USH1C: variants seen among roughly 807,000 people sequenced by gnomAD.
USH1C encodes USH1 protein network component harmonin.
In USH1C, 90 loss-of-function variants were observed where a neutral mutation model predicts 119.3. The ratio of observed to expected loss-of-function variants is 0.75; its 90% CI spans 0.64 to 0.90. USH1C has a LOEUF of 0.90. USH1C is among the 40% of genes least tolerant of loss of function. The pLI, the probability that USH1C is intolerant of heterozygous loss-of-function variation, is 0.00. For missense variants in USH1C, 1,165 were observed against 1,167.7 expected (o/e 1.00, Z 0.03); for synonymous variants, 465 against 443.3 (o/e 1.05, Z -0.62).
chr11:17,512,142 C>T, intron 15 of USH1C, 88 bp from the exon 16 acceptor site: 1 of 1,446,798 alleles, frequency 6.9e-7, no homozygotes, highest in Non-Finnish European at 9.7e-7. Flanking sequence ...TCACATAACA[C>T]AACCATCCCA....
chr11:17,542,679 G>A (rs973150165), intron 1 of USH1C, among the ~76,000 whole-genome samples: 2 of 152,226 alleles, frequency 1.3e-5, no homozygotes, highest in Non-Finnish European at 2.9e-5. Flanking sequence ...CAGAAGACCT[G>A]ATGTTATTTC....
chr11:17,505,232 T>A (rs1025812851), intron 19 of USH1C, among the ~76,000 whole-genome samples: 2 of 152,218 alleles, frequency 1.3e-5, no homozygotes, highest in Non-Finnish European at 2.9e-5. Flanking sequence ...AGAAGTAAGT[T>A]GGAGAAAGGG....
chr11:17,521,078 TGG>T, intron 13 of USH1C, 84 bp from the exon 14 acceptor site: 1 of 1,574,682 alleles, frequency 6.4e-7, no homozygotes. Flanking sequence ...CCAGCCAGCC[TGG>T]GGAGAAGCCT....
chr11:17,526,300 TG>T, intron 8 of USH1C, 46 bp downstream of exon 8: 1 of 1,521,946 alleles, frequency 6.6e-7, no homozygotes, highest in Non-Finnish European at 9.1e-7. Context: ...AGGGGCCTGC[TG>T]GGGTGCACTG....
chr11:17,526,233 C>G, intron 8 of USH1C, 114 bp downstream of exon 8: 1 of 867,312 alleles, frequency 1.2e-6, no homozygotes, highest in African/African-American at 1.7e-5. Flanking sequence ...CATGGACAGT[C>G]ACACCCCTGG....
intron 24 of USH1C, 100 bp from the exon 25 acceptor site, chr11:17,496,913 G>C (rs914754356): frequency 1.4e-6 from 2 of 1,431,768 alleles, no homozygotes; most frequent in African/African-American, 1.4e-5. Flanking sequence ...CCTAGGATCA[G>C]CCAGGCTGCA....
In USH1C at chr11:17,509,768, C is replaced by G. The variant is rs1190652568; in HGVS notation, c.1601G>C (p.Gly534Ala). ...GTCAGTGGTGTGCAGGTGCAGTCCG[C>G]CTGCGAAGCGTCTCAAGGGTGGGGC... ...PLAPPLRRFA[G>A]GLHLHTTDLD... Residue 534 changes from glycine (G) to alanine (A), a missense_variant, in exon 18 of 27, where the codon GGC becomes GCC. Physicochemically the swap from Gly to Ala is moderately conservative, Grantham distance 60. Transcript: ENST00000005226. The G allele has an allele frequency of 1.2e-6, 2 of 1,601,072 alleles. No homozygotes were observed. Among genetic ancestry groups the G allele is most frequent in the Non-Finnish European group, 8.5e-7 (1 of 1,179,494 alleles).
At chr11:17,539,577 A>G (rs894003504) in intron 1 of USH1C, among the ~76,000 whole-genome samples, 5 of 152,232 alleles carry the variant, frequency 3.3e-5, no homozygotes, top group Non-Finnish European at 5.9e-5. Context: ...ATAAGTGGAC[A>G]TAAATTCTAT....
chr11:17,501,505 C>T lies in USH1C; in HGVS notation c.2257G>A (p.Val753Ile), dbSNP rs1365223252. 1.9e-6 allele frequency: 3 copies of T among 1,613,142 alleles called. No individual in the cohort carries two copies. The highest frequency in any genetic ancestry group is 1.7e-6 in the Non-Finnish European group (2 of 1,179,628). Residue 753 changes from valine to isoleucine, a missense_variant, in exon 22 of 27, where the codon GTC becomes ATC. By Grantham distance (29) the Val-to-Ile change is conservative (BLOSUM62 3). Transcript: ENST00000005226. ...ACCTTCTTGATGCGTAGGAGCCGGA[C>T]ATCCTTCCCCATGATCTGCTCTGGG... ...FTPEQIMGKD[V>I]RLLRIKKEGS...
rs1326565505 is a variant in USH1C at position 17,531,958 on chromosome 11, G to C, written c.105-416C>G. On this transcript the variant is annotated intron_variant, in intron 2 of 26. Transcript: ENST00000005226. The surrounding 1 kb of genome is among the most constrained non-coding windows in gnomAD (Gnocchi z 4.2). ...GTTCACATGCCTCCTCCCTCATGCT[G>C]TTCAGACCTTCGACTGCAGCTGCCT... Among the ~76,000 whole-genome samples, 1 of 152,152 alleles carries C rather than the reference G, an allele frequency of 6.6e-6. No individual in the cohort carries two copies. The highest frequency in any genetic ancestry group is 1.5e-5 in the Non-Finnish European group (1 of 68,026).
In USH1C at chr11:17,493,941, T is replaced by G; in HGVS notation, c.*391A>C. 1 of 313,388 alleles carries G rather than the reference T, an allele frequency of 3.2e-6. No individual in the cohort carries two copies. Among genetic ancestry groups the G allele is most frequent in the Non-Finnish European group, 6.2e-6 (1 of 161,396 alleles). 19.4% of individuals were successfully genotyped at this position (313,388 alleles called of 1,614,324 possible). A position where few individuals can be genotyped will look rare whatever the true frequency, so the allele number is the denominator to read the frequency against. On this transcript the variant is annotated 3_prime_UTR_variant, in exon 27 of 27. Coordinates refer to ENST00000005226, the MANE Select transcript of USH1C (RefSeq NM_153676.4). ...TTTATTAATGAGCTCAGAGTAAGGT[T>G]TGGAGTGACAATCCTGGCAGCAATT...
At position 17,501,941 on chromosome 11, in the gene USH1C, T is replaced by C; in HGVS notation, c.2224A>G (p.Met742Val). 1 of 1,613,422 alleles carries C rather than the reference T, an allele frequency of 6.2e-7. No homozygotes were observed. Among genetic ancestry groups the C allele is most frequent in the Non-Finnish European group, 8.5e-7 (1 of 1,179,762 alleles). Residue 742 changes from methionine (M) to valine (V), a missense_variant and splice_region_variant, in exon 21 of 27, where the codon ATG becomes GTG. Transcript: ENST00000005226. Reference sequence around the variant, plus strand: ...AGGAGAGAAGCGTCATCTCTTACCATAGAGTAGGGGTCAAAGCCTTCCTCA... The same window carrying C: ...AGGAGAGAAGCGTCATCTCTTACCACAGAGTAGGGGTCAAAGCCTTCCTCA... ...KYEEGFDPYS[M>V]FTPEQIMGKD...
chr11:17,526,854 C>G, intron 6 of USH1C, 44 bp from the exon 7 acceptor site: 4 of 1,607,202 alleles, frequency 2.5e-6, no homozygotes, highest in Middle Eastern at 1.7e-4. Flanking sequence ...TAGCGAGAGA[C>G]GTTTGAGGAA....
At chr11:17,494,442 A>C in intron 26 of USH1C, 66 bp from the exon 27 acceptor site, 1 of 1,538,058 alleles carries the variant, frequency 6.5e-7, no homozygotes, top group Non-Finnish European at 8.8e-7. Flanking sequence ...GCCCAGCCAG[A>C]GCAAGGCCCC....
At chr11:17,525,258 T>C (rs780579343) in intron 8 of USH1C, among the ~76,000 whole-genome samples, 2 of 152,192 alleles carry the variant, frequency 1.3e-5, no homozygotes, top group Non-Finnish European at 2.9e-5. Flanking sequence ...ACGCAGAATG[T>C]AGTCCCGTTC....
chr11:17,535,122 C>G (rs1851183777), intron 1 of USH1C, among the ~76,000 whole-genome samples: 1 of 152,144 alleles, frequency 6.6e-6, no homozygotes, highest in Admixed American at 6.5e-5. Flanking sequence ...CTCCTAGCAG[C>G]AGGGGCGAGA....
rs746985997 is a variant in USH1C at position 17,521,307 on chromosome 11, A to T, written c.1085+39T>A. The T allele has an allele frequency of 3.1e-6, 5 of 1,608,424 alleles. No homozygotes were observed. The South Asian group carries it at 4.4e-5, about 14-fold the overall frequency. On this transcript the variant is annotated intron_variant, in intron 13 of 26. Transcript: ENST00000005226. ...TGGCCACACTCCCCTGAGCACACTG[A>T]TGTTCATGCACAGACACGCGTGGAG...
rs1040470628 is a variant in USH1C at position 17,531,455 on chromosome 11, C to T, written c.192G>A (p.Pro64=). 1.4e-5 allele frequency: 23 copies of T among 1,613,966 alleles called. No individual in the cohort carries two copies. Among genetic ancestry groups the T allele is most frequent in the Admixed American group, 3.3e-5 (2 of 59,996 alleles). ...CCACCTGGTGCTTCAGTGGGATCAG[C>T]GGCCGAATGGCATCAAACAGAGGCA... ...SRLPLFDAIR[P]LIPLKHQVEY... Residue 64 remains proline (P), a synonymous_variant, in exon 3 of 27, where the codon CCG becomes CCA. Transcript: ENST00000005226. This position sits in a 1 kb window ranked among gnomAD's most constrained non-coding sequence, Gnocchi z 4.2.
chr11:17,518,603 G>A (rs1413281737), intron 14 of USH1C, among the ~76,000 whole-genome samples: 3 of 152,222 alleles, frequency 2.0e-5, no homozygotes, highest in African/African-American at 4.8e-5. Context: ...GGGTAGGTGG[G>A]CAGGAGCAAT....
Sources: allele counts gnomAD v4.1 joint callset (sites outside exome capture counted in the v4.1 genomes callset), GRCh38; gene constraint gnomAD v4.1.1; non-coding constraint Gnocchi (gnomAD v3.1); transcripts MANE v1.5; gene names NCBI Gene and HGNC (gene_info 2026-07-23, HGNC 2026-07-21).